CCDC158: variants seen among roughly 807,000 people sequenced by gnomAD.
CCDC158 encodes coiled-coil domain-containing protein 158.
A neutral mutation model predicts 138.6 loss-of-function variants in CCDC158; 116 were observed. The ratio of observed to expected loss-of-function variants is 0.84; its 90% CI spans 0.72 to 0.98. CCDC158 has a LOEUF of 0.98. CCDC158 is among the 50% of genes least tolerant of loss of function. The probability of loss-of-function intolerance (pLI) is 0.00; values close to 1 mark genes in which losing one functional copy is unlikely to be tolerated. For synonymous variants in CCDC158, 436 were observed against 442.4 expected, an observed-to-expected ratio of 0.99 and a Z score of 0.18; for missense variants, 1,265 against 1,306.1, an observed-to-expected ratio of 0.97 and a Z score of 0.48.
At chr4:76,366,940 C>T (rs759087806) in intron 12 of CCDC158, among the ~76,000 whole-genome samples, 22 of 152,062 alleles carry the variant, frequency 1.4e-4, no homozygotes, top group Admixed American at 5.9e-4. Context: ...AGCCAAGATT[C>T]AGCAAACAGT....
chr4:76,328,840 C>A lies in CCDC158; in HGVS notation c.3010+60G>T. 1.4e-6 allele frequency: 2 copies of A among 1,394,354 alleles called. 1 individual carries two copies. 86.4% of individuals were successfully genotyped at this position (1,394,354 alleles called of 1,614,324 possible). A position where few individuals can be genotyped will look rare whatever the true frequency, so the allele number is the denominator to read the frequency against. ...GATACTGCAATGACTTTGGCTTTTA[C>A]CCTCGTGGAAATGGGGAGACATTGT... On this transcript the variant is annotated intron_variant, in intron 22 of 24. Coordinates refer to ENST00000682701, the MANE Select transcript of CCDC158 (RefSeq NM_001394954.1).
In CCDC158 at chr4:76,361,346, A is replaced by G. The variant is rs1388205799; in HGVS notation, c.2020+780T>C. Among the ~76,000 whole-genome samples, 5 of 152,222 alleles carry G rather than the reference A, an allele frequency of 3.3e-5. No individual in the cohort carries two copies. In the East Asian group the frequency reaches 5.8e-4, roughly 18 times the overall value. On this transcript the variant is annotated intron_variant, in intron 13 of 24. Transcript: ENST00000682701. ...GGGAGGCTGAGGCAGGTGGATCACG[A>G]GGTCAGGAGATCGAGACCATCCTGG...
rs1314385137 is a variant in CCDC158, at chr4:76,387,852, A to C, written c.289-3187T>G. On this transcript the variant is annotated intron_variant, in intron 4 of 24. Transcript: ENST00000682701. ...AAAAAAAAAAAAAATCAAACCAAAC[A>C]AAACAAAAAAATTAGCCAGGCATGG... 7.3e-5 allele frequency among the ~76,000 whole-genome samples: 11 copies of C among 149,812 alleles called. No homozygotes were observed. The East Asian group carries it at 7.9e-4, about 11-fold the overall frequency.
chr4:76,386,966 G>T (rs1471573331), intron 4 of CCDC158, among the ~76,000 whole-genome samples: 1 of 152,120 alleles, frequency 6.6e-6, no homozygotes, highest in Non-Finnish European at 1.5e-5. Context: ...ATGCGCTGGG[G>T]TCCTAGGTAA....
intron 9 of CCDC158, 24 bp downstream of exon 9, chr4:76,379,266 C>T (rs749268438): frequency 5.7e-6 from 8 of 1,412,634 alleles, no homozygotes; most frequent in Non-Finnish European, 7.8e-6. Context: ...TCTCTAGAAA[C>T]AGACCAGCAA....
intron 18 of CCDC158, among the ~76,000 whole-genome samples, chr4:76,346,704 G>A (rs890815182): frequency 9.2e-5 from 14 of 151,856 alleles, no homozygotes; most frequent in Admixed American, 2.6e-4. Context: ...ACAAGACTCC[G>A]TCTCAAAAAA....
At chr4:76,391,607 A>G (rs576471772) in intron 4 of CCDC158, among the ~76,000 whole-genome samples, 1 of 151,948 alleles carries the variant, frequency 6.6e-6, no homozygotes, top group African/African-American at 2.4e-5. Context: ...AATTTAAATG[A>G]TGTATTTTAA....
chr4:76,402,204 T>G (rs951628311), intron 3 of CCDC158: 2 of 152,232 alleles, frequency 1.3e-5, no homozygotes, highest in African/African-American at 4.8e-5. Flanking sequence ...GAAGGGAAAG[T>G]GCAGGTCATT....
intron 8 of CCDC158, 34 bp downstream of exon 8, chr4:76,382,576 G>C: frequency 2.5e-6 from 3 of 1,224,020 alleles, no homozygotes; most frequent in Non-Finnish European, 3.6e-6. Context: ...TCTTTAAAAT[G>C]AAGATGAATG....
At chr4:76,397,617 T>C (rs1727944664) in intron 3 of CCDC158, among the ~76,000 whole-genome samples, 1 of 152,200 alleles carries the variant, frequency 6.6e-6, no homozygotes, top group Non-Finnish European at 1.5e-5. Flanking sequence ...ATGTGTATTG[T>C]AGAAGAGAGA....
In CCDC158 at chr4:76,396,337, C is replaced by G. The variant is rs1727776386; in HGVS notation, c.220G>C (p.Glu74Gln). Residue 74 changes from glutamate to glutamine, a missense_variant, in exon 4 of 25, where the codon GAA becomes CAA. Transcript: ENST00000682701. Reference protein sequence around the residue: ...PRKIIPSPGKEHFERVLEEYS... With the variant: ...PRKIIPSPGKQHFERVLEEYS... ...TCTTCCAAAACACGTTCAAAGTGTT[C>G]CTTTCCAGGAGATGGGATGATTTTT... The G allele has an allele frequency of 1.2e-6, 2 of 1,613,768 alleles. No individual in the cohort carries two copies. The highest frequency in any genetic ancestry group is 1.7e-5 in the Admixed American group (1 of 59,986).
intron 15 of CCDC158, 91 bp downstream of exon 15, chr4:76,355,233 T>C (rs1560415557): frequency 1.2e-6 from 1 of 813,854 alleles, no homozygotes; most frequent in Non-Finnish European, 2.1e-6. Context: ...CTTTTCCCCT[T>C]GCACTTGCAT....
intron 13 of CCDC158, among the ~76,000 whole-genome samples, chr4:76,358,010 C>CAT (rs1553893234): frequency 6.6e-6 from 1 of 151,728 alleles, no homozygotes; most frequent in Non-Finnish European, 1.5e-5. Context: ...CACACACACA[C>CAT]ATATTTATTT....
At chr4:76,394,728 A>ATT (rs1215844776) in intron 4 of CCDC158, among the ~76,000 whole-genome samples, 1 of 152,110 alleles carries the variant, frequency 6.6e-6, no homozygotes, top group Non-Finnish European at 1.5e-5. Context: ...CCTGTACCAA[A>ATT]ATAGCTCATG....
chr4:76,400,324 T>C (rs1728235707), intron 3 of CCDC158, among the ~76,000 whole-genome samples: 1 of 147,420 alleles, frequency 6.8e-6, no homozygotes, highest in East Asian at 2.0e-4. Flanking sequence ...AAACACCGCA[T>C]GTTCTTACTC....
At position 76,379,256 on chromosome 4, in the gene CCDC158, T is replaced by C. The variant is rs780283412; in HGVS notation, c.1029+34A>G. On this transcript the variant is annotated intron_variant, in intron 9 of 24. Coordinates refer to ENST00000682701, the MANE Select transcript of CCDC158 (RefSeq NM_001394954.1). ...ATAATATTGATTCTGGATATTAAAG[T>C]CTCTAGAAACAGACCAGCAAAACCT... 4 of 1,207,154 alleles carry C rather than the reference T, an allele frequency of 3.3e-6. No homozygotes were observed. In the East Asian group the frequency reaches 9.7e-5, roughly 29 times the overall value. The allele number at this position is 1,207,154 out of a possible 1,614,324, so 74.8% of individuals were successfully genotyped here. A position where few individuals can be genotyped will look rare whatever the true frequency, so the allele number is the denominator to read the frequency against.
chr4:76,353,525 T>C (rs1460225353), intron 15 of CCDC158, among the ~76,000 whole-genome samples: 1 of 152,226 alleles, frequency 6.6e-6, no homozygotes, highest in Non-Finnish European at 1.5e-5. Context: ...TGATAAAATC[T>C]ACAAAATATG....
chr4:76,411,010 C>A (rs183335082), intron 2 of CCDC158, among the ~76,000 whole-genome samples: 1 of 152,206 alleles, frequency 6.6e-6, no homozygotes, highest in Non-Finnish European at 1.5e-5. Flanking sequence ...AGATAACTCA[C>A]GTGCAGGCCT....
rs1350819425 is a variant in CCDC158, at chr4:76,365,181, AAAGTCACT to A, written c.1830+2105_1830+2112del. 1.3e-4 allele frequency among the ~76,000 whole-genome samples: 20 copies of A among 152,318 alleles called. 1 individual carries two copies. In the South Asian group the frequency reaches 3.3e-3, roughly 25 times the overall value. ...CTGGGGACCCACAGTTATTGAAATA[AAAGTCACT>A]CTGCTTCTCTGCTGTCAATGTGTGC... On this transcript the variant is annotated intron_variant, in intron 12 of 24. Coordinates refer to ENST00000682701, the MANE Select transcript of CCDC158 (RefSeq NM_001394954.1).
Sources: gnomAD v4.1 joint callset for allele counts (sites outside exome capture counted in the v4.1 genomes callset) on GRCh38, gnomAD v4.1.1 for gene constraint, MANE v1.5 for transcripts, NCBI Gene and HGNC (gene_info 2026-07-23, HGNC 2026-07-21) for gene names.